Variants in DLG5 observed in about 807,000 individuals in gnomAD.
The protein encoded by DLG5 is disks large homolog 5.
A neutral mutation model predicts 189.8 loss-of-function variants in DLG5; 48 were observed. That is an observed-to-expected ratio of 0.25 (90% confidence interval 0.20 to 0.32). The LOEUF (loss-of-function observed/expected upper bound fraction) is 0.32, where lower values mean the gene tolerates loss of function less well. Among genes scored for constraint, DLG5 ranks in the 10% least tolerant of loss-of-function variants. The pLI is 1.00. For missense variants in DLG5, 2,160 were observed against 2,544.7 expected (o/e 0.85, Z 3.25); for synonymous variants, 1,016 against 1,054.1 (o/e 0.96, Z 0.70).
At chr10:77,888,874 C>G (rs769081463) in intron 1 of DLG5, among the ~76,000 whole-genome samples, 39 of 152,272 alleles carry the variant, frequency 2.6e-4, no homozygotes, top group Non-Finnish European at 4.0e-4. Flanking sequence ...GACGAAGACA[C>G]CCCCATCAAG....
At chr10:77,828,362 C>T (rs187172521) in intron 13 of DLG5, among the ~76,000 whole-genome samples, 2 of 151,910 alleles carry the variant, frequency 1.3e-5, no homozygotes, top group Admixed American at 1.3e-4. Context: ...GGTGCACACC[C>T]TGTAATCCCA....
chr10:77,893,684 A>G (rs575022752), intron 1 of DLG5, among the ~76,000 whole-genome samples: 4 of 152,364 alleles, frequency 2.6e-5, no homozygotes, highest in Admixed American at 6.5e-5. Flanking sequence ...GCAGAATGAC[A>G]TAAGTCCAAA....
rs202150630 is a variant in DLG5 at position 77,843,425 on chromosome 10, C to A, written c.1124+22G>T. Reference sequence around the variant, plus strand: ...CCTTATAGGACCCATTTGCCCCCGGCCCCCGATGGCCCTAGCCCTACCTCC... The same window carrying A: ...CCTTATAGGACCCATTTGCCCCCGGACCCCGATGGCCCTAGCCCTACCTCC... On this transcript the variant is annotated intron_variant, in intron 6 of 31. Transcript: ENST00000372391. 85 of 1,609,382 alleles carry A rather than the reference C, an allele frequency of 5.3e-5. No individual in the cohort carries two copies. The Admixed American group carries it at 8.3e-4, about 16-fold the overall frequency.
the DLG5 span, among the ~76,000 whole-genome samples, chr10:77,933,670 G>A: frequency 1.3e-5 from 2 of 151,754 alleles, no homozygotes; most frequent in Admixed American, 1.3e-4. Context: ...GTTGCAGTGA[G>A]GAGAGATCGT....
At chr10:77,910,291 C>G (rs911793880) in intron 1 of DLG5, among the ~76,000 whole-genome samples, 14 of 152,232 alleles carry the variant, frequency 9.2e-5, no homozygotes, top group African/African-American at 3.4e-4. Context: ...CTTGCCTAGC[C>G]TCTCAGCAGC....
chr10:77,818,377 T>C lies in DLG5; in HGVS notation c.3672-488A>G, dbSNP rs143429105. On this transcript the variant is annotated intron_variant, in intron 17 of 31. Coordinates refer to ENST00000372391, the MANE Select transcript of DLG5 (RefSeq NM_004747.4). Reference sequence around the variant, plus strand: ...AGACCAGGCCTCAACAGCATCTTTTTCCAGCTATGTAATGAGGTGACATCT... The same window carrying C: ...AGACCAGGCCTCAACAGCATCTTTTCCCAGCTATGTAATGAGGTGACATCT... Among the ~76,000 whole-genome samples, 5 of 152,306 alleles carry C rather than the reference T, an allele frequency of 3.3e-5. No individual in the cohort carries two copies. In the East Asian group the frequency reaches 9.6e-4, roughly 29 times the overall value.
upstream of DLG5, among the ~76,000 whole-genome samples, chr10:77,931,020 A>G (rs1846781911): frequency 6.6e-6 from 1 of 151,658 alleles, no homozygotes; most frequent in Admixed American, 6.6e-5. Context: ...GGGTTTCTCC[A>G]TGTTGGTCAG....
chr10:77,816,569 C>T lies in DLG5; in HGVS notation c.4007G>A (p.Gly1336Glu), dbSNP rs763982189. The stretch of plus-strand genomic sequence containing the variant: ...TGCTCACCTGTCCTTTCTCCGCTCC[C>T]CGAGGGACGCGGGGTTGACAGCGAT... ...PRIAVNPASL[G>E]ERRKDRPYVE... is the part of the protein sequence containing the mutation. The change falls in exon 20 of 32, where the codon GGG becomes GAG. Residue 1336 changes from glycine (G) to glutamate (E), a missense_variant. Gly to Glu is a moderately conservative substitution (Grantham distance 98). Around this residue, in one of 5 missense-constraint regions of DLG5, gnomAD observed 754 missense variants for 746.5 expected, o/e 1.01. Transcript: ENST00000372391. The T allele has an allele frequency of 6.2e-7, 1 of 1,614,126 alleles. No individual in the cohort carries two copies. The highest frequency in any genetic ancestry group is 1.7e-5 in the Admixed American group (1 of 60,026).
chr10:77,810,785 G>A (rs997332247), intron 23 of DLG5, among the ~76,000 whole-genome samples: 5 of 152,226 alleles, frequency 3.3e-5, no homozygotes, highest in African/African-American at 1.2e-4. Context: ...CCAGGGCCTG[G>A]CCGGGTGATG....
At chr10:77,846,553 C>T (rs142105525) in intron 5 of DLG5, among the ~76,000 whole-genome samples, 43 of 150,914 alleles carry the variant, frequency 2.8e-4, no homozygotes, top group African/African-American at 9.7e-4. Context: ...AAAAATTAGC[C>T]GGGTGTGGTG....
chr10:77,836,779 C>T (rs1042194507), intron 7 of DLG5, among the ~76,000 whole-genome samples: 1 of 151,954 alleles, frequency 6.6e-6, no homozygotes, highest in Non-Finnish European at 1.5e-5. Context: ...CAGTGGCAGG[C>T]TTTCCTCAGA....
the DLG5 span, among the ~76,000 whole-genome samples, chr10:77,932,371 G>A: frequency 5.3e-5 from 8 of 152,180 alleles, no homozygotes; most frequent in African/African-American, 1.7e-4. Context: ...CATGTGGTAG[G>A]TGCTCAATAG....
intron 1 of DLG5, among the ~76,000 whole-genome samples, chr10:77,916,511 C>T (rs979055371): frequency 6.6e-6 from 1 of 151,648 alleles, no homozygotes; most frequent in Non-Finnish European, 1.5e-5. Flanking sequence ...CAGCTAGTCT[C>T]GAACTCCTAG....
At position 77,830,218 on chromosome 10, in the gene DLG5, T is replaced by G; in HGVS notation, c.2008A>C (p.Arg670=). The G allele has an allele frequency of 2.5e-5, 40 of 1,614,122 alleles. No homozygotes were observed. The highest frequency in any genetic ancestry group is 3.3e-5 in the Non-Finnish European group (39 of 1,180,042). ...DKGSIADGRL[R]VNDWLLRIND... is the part of the protein sequence containing the mutation. ...CAGAGCCTGGGCCTCAACTCTTACC[T>G]TAAGCGGCCATCAGCAATGCTTCCT... Residue 670 remains arginine (R), a splice_region_variant and synonymous_variant, in exon 11 of 32, where the codon AGG becomes CGG. Transcript: ENST00000372391.
At position 77,812,337 on chromosome 10, in the gene DLG5, C is replaced by T; in HGVS notation, c.4066G>A (p.Gly1356Ser). The T allele has an allele frequency of 6.2e-7, 1 of 1,613,840 alleles. No homozygotes were observed. Reference protein sequence around the residue: ...EEPRHVKVQKGSEPLGISIVS... With the variant: ...EEPRHVKVQKSSEPLGISIVS... ...ATGGAGATGCCCAGCGGCTCTGAGCCCTTCTGCACCTTCACGTGGCGTGGC... is the reference window on the plus strand; with the variant it reads ...ATGGAGATGCCCAGCGGCTCTGAGCTCTTCTGCACCTTCACGTGGCGTGGC... The change falls in exon 21 of 32, where the codon GGC becomes AGC. Residue 1356 changes from glycine (G) to serine (S), a missense_variant. Physicochemically the swap from Gly to Ser is moderately conservative, Grantham distance 56. This residue lies in a region of DLG5 where 754 missense variants were observed against 746.5 expected (regional missense o/e 1.01). Coordinates refer to ENST00000372391, the MANE Select transcript of DLG5 (RefSeq NM_004747.4).
chr10:77,792,193 C>A lies in DLG5; in HGVS notation c.*247G>T, dbSNP rs1011441825. On this transcript the variant is annotated 3_prime_UTR_variant, in exon 32 of 32. Transcript: ENST00000372391. Reference sequence around the variant, plus strand: ...GCTAAAGAAAGGTGGGTGCTGAACCCGTCTTTAGTGTTATCTGTTTTGTGT... The same window carrying A: ...GCTAAAGAAAGGTGGGTGCTGAACCAGTCTTTAGTGTTATCTGTTTTGTGT... 1 of 542,522 alleles carries A rather than the reference C, an allele frequency of 1.8e-6. No homozygotes were observed. The highest frequency in any genetic ancestry group is 3.3e-6 in the Non-Finnish European group (1 of 304,322). The allele number at this position is 542,522 out of a possible 1,614,324, so 33.6% of individuals were successfully genotyped here.
In DLG5 at chr10:77,922,108, A is replaced by G. The variant is rs551322909; in HGVS notation, c.304+4109T>C. On this transcript the variant is annotated intron_variant, in intron 1 of 31. Transcript: ENST00000372391. ...TCATGAGCGTCCCATTCCCCCAACA[A>G]GGCGGCAAGCTACGGACTAGAATTA... Among the ~76,000 whole-genome samples, 149 of 152,276 alleles carry G rather than the reference A, an allele frequency of 9.8e-4. 2 individuals are homozygous for G. The highest frequency in any genetic ancestry group is 3.4e-3 in the African/African-American group (141 of 41,544).
intron 2 of DLG5, among the ~76,000 whole-genome samples, chr10:77,865,868 C>CT (rs1844657012): frequency 6.6e-6 from 1 of 152,132 alleles, no homozygotes; most frequent in Non-Finnish European, 1.5e-5. Flanking sequence ...GGCTGGAGAT[C>CT]CGAGACCCGA....
chr10:77,918,937 C>T (rs1398074787), intron 1 of DLG5, among the ~76,000 whole-genome samples: 1 of 152,194 alleles, frequency 6.6e-6, no homozygotes, highest in South Asian at 2.1e-4. Flanking sequence ...AGACAACGGC[C>T]GAGAGTGGTG....
Sources: gnomAD v4.1 joint callset for allele counts (sites outside exome capture counted in the v4.1 genomes callset) on GRCh38, gnomAD v4.1.1 for gene constraint, gnomAD v4.1.1 regional missense constraint, MANE v1.5 for transcripts, NCBI Gene and HGNC (gene_info 2026-07-23, HGNC 2026-07-21) for gene names.